Variants in ESRRG observed in about 807,000 individuals in gnomAD.
The protein encoded by ESRRG is estrogen-related receptor gamma.
Under a neutral mutation model 44.0 loss-of-function variants are expected in ESRRG, and 13 were observed. That is an observed-to-expected ratio of 0.30 (90% confidence interval 0.19 to 0.47). ESRRG has a LOEUF of 0.47. Ranked by LOEUF, ESRRG falls within the 20% of genes least tolerant of loss-of-function variation. ESRRG has a pLI of 1.00. For synonymous variants in ESRRG, 215 were observed against 214.6 expected, an observed-to-expected ratio of 1.00 and a Z score of -0.02; for missense variants, 395 against 580.6, an observed-to-expected ratio of 0.68 and a Z score of 3.29.
upstream of ESRRG, among the ~76,000 whole-genome samples, chr1:217,092,616 C>G (rs905260782): frequency 6.6e-6 from 1 of 152,142 alleles, no homozygotes; most frequent in Non-Finnish European, 1.5e-5. Flanking sequence ...GCTGGTCACC[C>G]ACTGTTCATC....
intron 2 of ESRRG, among the ~76,000 whole-genome samples, chr1:216,832,269 G>A (rs2095499037): frequency 6.6e-6 from 1 of 152,132 alleles, no homozygotes. Flanking sequence ...AACATTAGAT[G>A]GACAAAAGGA....
chr1:216,849,003 C>T (rs1257589098), intron 2 of ESRRG, among the ~76,000 whole-genome samples: 1 of 151,992 alleles, frequency 6.6e-6, no homozygotes, highest in Non-Finnish European at 1.5e-5. Flanking sequence ...CTACCTATGA[C>T]CCATTAAATA....
intron 6 of ESRRG, among the ~76,000 whole-genome samples, chr1:216,509,449 G>A (rs561593602): frequency 4.0e-4 from 61 of 152,206 alleles, no homozygotes; most frequent in African/African-American, 1.1e-3. Flanking sequence ...GAACAATACA[G>A]GATAAATTTC....
Position 216,506,827 on chromosome 1 carries a change from A to C in ESRRG, c.*112T>G. ...AGTCTTGCTGCTAAATTATCAGTGC[A>C]GTCTGTTGATTTTTGATGTTGTTAA... On this transcript the variant is annotated 3_prime_UTR_variant, in exon 7 of 7. Transcript: ENST00000408911. 8.6e-7 allele frequency: 1 copy of C among 1,167,198 alleles called. No homozygotes were observed. The highest frequency in any genetic ancestry group is 1.2e-6 in the Non-Finnish European group (1 of 817,556). The allele number at this position is 1,167,198 out of a possible 1,614,324, so 72.3% of individuals were successfully genotyped here.
At chr1:216,804,777 C>A (rs1233278156) in intron 2 of ESRRG, among the ~76,000 whole-genome samples, 1 of 151,994 alleles carries the variant, frequency 6.6e-6, no homozygotes, top group African/African-American at 2.4e-5. Flanking sequence ...TCCACACATA[C>A]CCCCCTTCCC....
At chr1:216,727,197 T>C (rs1214955697), upstream of ESRRG, among the ~76,000 whole-genome samples, 1 of 152,226 alleles carries the variant, frequency 6.6e-6, no homozygotes, top group African/African-American at 2.4e-5. Flanking sequence ...ATAACAAATT[T>C]AGATTTTCAA....
At chr1:216,754,163 C>T (rs2092294865) in intron 2 of ESRRG, among the ~76,000 whole-genome samples, 1 of 152,024 alleles carries the variant, frequency 6.6e-6, no homozygotes, top group East Asian at 1.9e-4. Flanking sequence ...AAACCCGAAA[C>T]CTTCTTCCTT....
chr1:217,088,562 G>T (rs2092238349), intron 1 of ESRRG, among the ~76,000 whole-genome samples: 2 of 151,852 alleles, frequency 1.3e-5, no homozygotes, highest in Non-Finnish European at 2.9e-5. Flanking sequence ...TAGCAAACGT[G>T]CTTCCCTAAC....
At chr1:216,559,172 TAA>T (rs2058217355) in intron 5 of ESRRG, among the ~76,000 whole-genome samples, 1 of 152,140 alleles carries the variant, frequency 6.6e-6, no homozygotes, top group Non-Finnish European at 1.5e-5. Context: ...ACCCATTCCA[TAA>T]TTGAATATTC....
chr1:216,612,957 C>T (rs1416803895), intron 3 of ESRRG, among the ~76,000 whole-genome samples: 1 of 152,176 alleles, frequency 6.6e-6, no homozygotes, highest in South Asian at 2.1e-4. Context: ...GGGGCCTTCT[C>T]CTCTGCTGGT....
intron 5 of ESRRG, among the ~76,000 whole-genome samples, chr1:216,562,760 GATAT>G (rs2149523820): frequency 6.6e-6 from 1 of 152,062 alleles, no homozygotes; most frequent in Non-Finnish European, 1.5e-5. Context: ...TAATATAAAT[GATAT>G]ATATCAATCA....
intron 1 of ESRRG, among the ~76,000 whole-genome samples, chr1:217,072,662 C>A (rs2090710407): frequency 6.6e-6 from 1 of 151,928 alleles, no homozygotes; most frequent in African/African-American, 2.4e-5. Context: ...TTCTTTTGAG[C>A]AGTCCCTTTA....
chr1:217,096,109 T>C (rs965836663), intron 1 of ESRRG, among the ~76,000 whole-genome samples: 3 of 152,222 alleles, frequency 2.0e-5, no homozygotes, highest in African/African-American at 7.2e-5. Flanking sequence ...AAAATAGTGT[T>C]GGTGACTTTA....
Position 216,519,133 on chromosome 1 carries a change from A to C in ESRRG, c.1132+19T>G, listed in dbSNP as rs2045300136. ...ACATATTAAAAAAAATGTAACAATG[A>C]CTATGTCAGTATGCCAACCTGAATT... On this transcript the variant is annotated intron_variant, in intron 6 of 6. Coordinates refer to ENST00000408911, the MANE Select transcript of ESRRG (RefSeq NM_001438.4). 6.2e-7 allele frequency: 1 copy of C among 1,607,778 alleles called. No individual in the cohort carries two copies. The highest frequency in any genetic ancestry group is 1.3e-5 in the African/African-American group (1 of 74,562).
intron 1 of ESRRG, among the ~76,000 whole-genome samples, chr1:217,003,072 T>C (rs1044543925): frequency 7.2e-5 from 11 of 152,204 alleles, no homozygotes; most frequent in Non-Finnish European, 1.6e-4. Context: ...CATTTACTTT[T>C]GTGAGATATG....
chr1:216,876,379 C>T (rs1220402722), intron 2 of ESRRG, among the ~76,000 whole-genome samples: 1 of 152,072 alleles, frequency 6.6e-6, no homozygotes, highest in Non-Finnish European at 1.5e-5. Context: ...ATGGGGCTGC[C>T]TGGGGAATGT....
intron 3 of ESRRG, among the ~76,000 whole-genome samples, chr1:216,629,590 A>T (rs938413264): frequency 6.6e-6 from 1 of 152,188 alleles, no homozygotes; most frequent in Non-Finnish European, 1.5e-5. Context: ...GACTCTAATC[A>T]AGTGTGTAGA....
intron 1 of ESRRG, among the ~76,000 whole-genome samples, chr1:217,020,948 G>C (rs189647449): frequency 6.6e-6 from 1 of 151,924 alleles, no homozygotes; most frequent in Non-Finnish European, 1.5e-5. Flanking sequence ...CAGATCATGA[G>C]GATCATAGTA....
chr1:216,910,136 T>C (rs1193145551), intron 2 of ESRRG, among the ~76,000 whole-genome samples: 1 of 152,088 alleles, frequency 6.6e-6, no homozygotes, highest in Non-Finnish European at 1.5e-5. Context: ...AAAAAAATTG[T>C]CAAGTAATAA....
Sources: allele counts gnomAD v4.1 joint callset (sites outside exome capture counted in the v4.1 genomes callset), GRCh38; gene constraint gnomAD v4.1.1; transcripts MANE v1.5; gene names NCBI Gene and HGNC (gene_info 2026-07-23, HGNC 2026-07-21).